TNFRSF19: variants seen among roughly 807,000 people sequenced by gnomAD.
The protein encoded by TNFRSF19 is TNF receptor superfamily member 19, also known as tumor necrosis factor receptor superfamily member 19.
In TNFRSF19, 27 loss-of-function variants were observed where a neutral mutation model predicts 46.4. The observed-to-expected ratio is 0.58, with a 90% CI of 0.43 to 0.80. The LOEUF (loss-of-function observed/expected upper bound fraction) is 0.80, where lower values mean the gene tolerates loss of function less well. Among genes scored for constraint, TNFRSF19 ranks in the 30% least tolerant of loss-of-function variants. The pLI, the probability that TNFRSF19 is intolerant of heterozygous loss-of-function variation, is 0.00. For synonymous variants in TNFRSF19, 204 were observed against 205.0 expected (o/e 1.00, Z 0.04); for missense variants, 511 against 530.8 (o/e 0.96, Z 0.37).
At chr13:23,613,685 T>G (rs543092178) in intron 3 of TNFRSF19, among the ~76,000 whole-genome samples, 217 of 152,320 alleles carry the variant, frequency 1.4e-3, no homozygotes, top group African/African-American at 5.1e-3. Flanking sequence ...GGGAACAAGG[T>G]GGAGACCACC....
chr13:23,584,498 C>A (rs1878683693), intron 1 of TNFRSF19, among the ~76,000 whole-genome samples: 1 of 151,956 alleles, frequency 6.6e-6, no homozygotes, highest in South Asian at 2.1e-4. Context: ...GGGCTGGTTA[C>A]ATATTTTTGC....
At chr13:23,664,353 T>A (rs1450703031) in intron 7 of TNFRSF19, among the ~76,000 whole-genome samples, 1 of 152,186 alleles carries the variant, frequency 6.6e-6, no homozygotes. Context: ...TGCACTGTGG[T>A]CTGAGCATGT....
At chr13:23,580,675 G>A (rs1878348039) in intron 1 of TNFRSF19, among the ~76,000 whole-genome samples, 1 of 152,246 alleles carries the variant, frequency 6.6e-6, no homozygotes, top group Non-Finnish European at 1.5e-5. Flanking sequence ...TGAGAATTGA[G>A]TCCTAGTGTG....
In TNFRSF19 at chr13:23,674,109, C is replaced by A. The variant is rs1306329108; in HGVS notation, c.*729C>A. 6.6e-6 allele frequency: 1 copy of A among 152,310 alleles called. No individual in the cohort carries two copies. Among genetic ancestry groups the A allele is most frequent in the South Asian group, 2.1e-4 (1 of 4,818 alleles). 9.4% of individuals were successfully genotyped at this position (152,310 alleles called of 1,614,324 possible). A position where few individuals can be genotyped will look rare whatever the true frequency, so the allele number is the denominator to read the frequency against. ...GCTAGGGAATGTGGTCGAGAAAGGG[C>A]AGCCCATTGCCCAGAATTAACACAT... On this transcript the variant is annotated 3_prime_UTR_variant, in exon 10 of 10. Transcript: ENST00000248484.
chr13:23,617,236 T>G (rs1881362175), intron 4 of TNFRSF19, among the ~76,000 whole-genome samples: 1 of 151,810 alleles, frequency 6.6e-6, no homozygotes, highest in South Asian at 2.1e-4. Flanking sequence ...GAGGGAGGCG[T>G]GCAGTACACC....
At chr13:23,578,840 CG>C (rs1194430890) in intron 1 of TNFRSF19, among the ~76,000 whole-genome samples, 1 of 152,242 alleles carries the variant, frequency 6.6e-6, no homozygotes, top group Non-Finnish European at 1.5e-5. Context: ...GCGGCCGTCT[CG>C]GGGCGAGTGC....
intron 5 of TNFRSF19, among the ~76,000 whole-genome samples, chr13:23,627,554 C>T (rs1454123289): frequency 1.3e-5 from 2 of 152,186 alleles, no homozygotes; most frequent in Admixed American, 6.5e-5. Context: ...CGGTGAGTGG[C>T]CTCTATGTGG....
At chr13:23,625,080 A>C (rs1293061331) in intron 4 of TNFRSF19, among the ~76,000 whole-genome samples, 1 of 152,038 alleles carries the variant, frequency 6.6e-6, no homozygotes, top group African/African-American at 2.4e-5. Flanking sequence ...ATGTATTGGT[A>C]AAGAATCTGA....
intron 1 of TNFRSF19, among the ~76,000 whole-genome samples, chr13:23,580,884 A>G (rs773221291): frequency 6.6e-6 from 1 of 152,232 alleles, no homozygotes; most frequent in Non-Finnish European, 1.5e-5. Context: ...ATGTCTTACC[A>G]TATCTACTTT....
chr13:23,642,537 T>C (rs1277764608), intron 5 of TNFRSF19, among the ~76,000 whole-genome samples: 1 of 152,184 alleles, frequency 6.6e-6, no homozygotes, highest in Non-Finnish European at 1.5e-5. Context: ...ACACAGCTAG[T>C]GCATGCAAAG....
Position 23,668,677 on chromosome 13 carries a change from T to G in TNFRSF19, c.840-15T>G. On this transcript the variant is annotated splice_polypyrimidine_tract_variant and intron_variant, in intron 8 of 9. Coordinates refer to ENST00000248484, the MANE Select transcript of TNFRSF19 (RefSeq NM_148957.4). ...CCCCATCAAAAACTTTAAGTTCTTT[T>G]GAACGTGTGTGCAGAAACGCAGGCC... The G allele has an allele frequency of 1.3e-6, 2 of 1,596,952 alleles. No homozygotes were observed. The highest frequency in any genetic ancestry group is 1.8e-5 in the Admixed American group (1 of 57,100).
intron 5 of TNFRSF19, among the ~76,000 whole-genome samples, chr13:23,638,189 G>T (rs1566203092): frequency 1.3e-5 from 2 of 152,202 alleles, no homozygotes; most frequent in Admixed American, 6.5e-5. Context: ...CTATTAAAAA[G>T]AAAAACATCC....
At chr13:23,631,838 A>G (rs1882381883) in intron 5 of TNFRSF19, among the ~76,000 whole-genome samples, 1 of 152,194 alleles carries the variant, frequency 6.6e-6, no homozygotes, top group South Asian at 2.1e-4. Context: ...ATTTCAGCCA[A>G]CCAAACCATG....
At chr13:23,633,375 A>C (rs551721406) in intron 5 of TNFRSF19, among the ~76,000 whole-genome samples, 5 of 152,324 alleles carry the variant, frequency 3.3e-5, no homozygotes, top group Admixed American at 3.3e-4. Context: ...GGCATGAGCC[A>C]CCACACCTGA....
At chr13:23,601,319 G>A (rs1290801352) in intron 3 of TNFRSF19, among the ~76,000 whole-genome samples, 1 of 152,172 alleles carries the variant, frequency 6.6e-6, no homozygotes, top group Non-Finnish European at 1.5e-5. Flanking sequence ...AATCATGCAA[G>A]GCAGAAGAGA....
chr13:23,648,469 G>T (rs1204537703), intron 5 of TNFRSF19, among the ~76,000 whole-genome samples: 1 of 152,106 alleles, frequency 6.6e-6, no homozygotes, highest in African/African-American at 2.4e-5. Context: ...TAATTTATTA[G>T]TTCTAACAGT....
At chr13:23,618,184 T>A (rs1881433305) in intron 4 of TNFRSF19, among the ~76,000 whole-genome samples, 1 of 152,084 alleles carries the variant, frequency 6.6e-6, no homozygotes, top group Non-Finnish European at 1.5e-5. Context: ...GGAAATCCTT[T>A]GAAGTACAAA....
chr13:23,582,224 C>CAAAAAAAA (rs746493689), intron 1 of TNFRSF19, among the ~76,000 whole-genome samples: 1 of 98,044 alleles, frequency 1.0e-5, no homozygotes, highest in Non-Finnish European at 2.1e-5. Context: ...ACTACAAATA[C>CAAAAAAAA]AAAAAAAAAA....
chr13:23,582,054 A>G (rs889896563), intron 1 of TNFRSF19, among the ~76,000 whole-genome samples: 3 of 152,094 alleles, frequency 2.0e-5, no homozygotes, highest in African/African-American at 7.2e-5. Context: ...AAACGGTTAA[A>G]TATATTTGTC....
Sources: gnomAD v4.1 joint callset for allele counts (sites outside exome capture counted in the v4.1 genomes callset) on GRCh38, gnomAD v4.1.1 for gene constraint, MANE v1.5 for transcripts, NCBI Gene and HGNC (gene_info 2026-07-23, HGNC 2026-07-21) for gene names.